Variants in KDM2A observed in about 807,000 individuals in gnomAD.
KDM2A encodes the protein lysine demethylase 2A, also known as lysine-specific demethylase 2A.
In KDM2A, 3 loss-of-function variants were observed where a neutral mutation model predicts 137.3. The observed-to-expected ratio is 0.02, with a 90% CI of 0.01 to 0.06. KDM2A has a LOEUF of 0.06. Ranked by LOEUF, KDM2A falls within the 10% of genes least tolerant of loss-of-function variation. KDM2A has a pLI of 1.00. For missense variants in KDM2A, 738 were observed against 1,510.6 expected, an observed-to-expected ratio of 0.49 and a Z score of 8.48; for synonymous variants, 512 against 541.5, an observed-to-expected ratio of 0.95 and a Z score of 0.76.
At chr11:67,175,421 GAC>G (rs1380693121) in intron 2 of KDM2A, among the ~76,000 whole-genome samples, 1 of 152,136 alleles carries the variant, frequency 6.6e-6, no homozygotes, top group African/African-American at 2.4e-5. Flanking sequence ...AGATGACAGA[GAC>G]TCTGTCTCCG....
chr11:67,233,465 A>T (rs1486365996), intron 12 of KDM2A, among the ~76,000 whole-genome samples: 2 of 124,618 alleles, frequency 1.6e-5, no homozygotes, highest in African/African-American at 6.3e-5. Context: ...CAGCCTGGCC[A>T]AGATGGTAAA....
intron 12 of KDM2A, among the ~76,000 whole-genome samples, chr11:67,238,565 C>T (rs967410983): frequency 6.6e-6 from 1 of 152,030 alleles, no homozygotes; most frequent in South Asian, 2.1e-4. Flanking sequence ...GAAGCTCAGC[C>T]GAGAGCACAA....
At chr11:67,201,745 C>G (rs1420554274) in intron 5 of KDM2A, among the ~76,000 whole-genome samples, 2 of 126,510 alleles carry the variant, frequency 1.6e-5, no homozygotes. Context: ...CACACTCCAG[C>G]CTAGGCAACA....
intron 5 of KDM2A, among the ~76,000 whole-genome samples, chr11:67,202,850 C>T (rs1380790824): frequency 6.6e-6 from 1 of 151,492 alleles, no homozygotes; most frequent in Admixed American, 6.6e-5. Context: ...AAAGGATTAG[C>T]CAGCCATTGT....
At chr11:67,165,593 A>G (rs533821015) in intron 2 of KDM2A, among the ~76,000 whole-genome samples, 2 of 152,216 alleles carry the variant, frequency 1.3e-5, no homozygotes, top group Non-Finnish European at 2.9e-5. Flanking sequence ...GAGAAGGATC[A>G]TGTAGGAAAG....
At position 67,255,198 on chromosome 11, in the gene KDM2A, A is replaced by G; in HGVS notation, c.*143A>G. ...CCTGTCCCTTGAGCCCTTCCTCTAC[A>G]GGTGGGGCAGAGAGGGTGGTGGACA... On this transcript the variant is annotated 3_prime_UTR_variant, in exon 21 of 21. Coordinates refer to ENST00000529006, the MANE Select transcript of KDM2A (RefSeq NM_012308.3). 1 of 711,480 alleles carries G rather than the reference A, an allele frequency of 1.4e-6. No individual in the cohort carries two copies. Among genetic ancestry groups the G allele is most frequent in the Non-Finnish European group, 2.3e-6 (1 of 433,200 alleles). 44.1% of individuals were successfully genotyped at this position (711,480 alleles called of 1,614,324 possible). A position where few individuals can be genotyped will look rare whatever the true frequency, so the allele number is the denominator to read the frequency against.
rs1231595712 is a variant in KDM2A at position 67,258,054 on chromosome 11, A to G, written c.*2999A>G. 6.6e-6 allele frequency: 1 copy of G among 152,180 alleles called. No homozygotes were observed. The highest frequency in any genetic ancestry group is 1.5e-5 in the Non-Finnish European group (1 of 68,044). 9.4% of individuals were successfully genotyped at this position (152,180 alleles called of 1,614,324 possible). On this transcript the variant is annotated 3_prime_UTR_variant, in exon 21 of 21. Transcript: ENST00000529006. ...TTGTTTGGGGGTTTTTGTTTTTTTA[A>G]AAAAATAAAAAGGCTTTAAAAACAA...
intron 11 of KDM2A, among the ~76,000 whole-genome samples, chr11:67,228,665 G>A (rs1285084308): frequency 7.5e-5 from 11 of 145,838 alleles, no homozygotes; most frequent in Middle Eastern, 3.5e-3. Flanking sequence ...TAGCCTGGGC[G>A]ACAGAGTGAA....
chr11:67,147,896 C>G (rs1435951863), intron 2 of KDM2A, among the ~76,000 whole-genome samples: 2 of 151,944 alleles, frequency 1.3e-5, no homozygotes, highest in African/African-American at 4.8e-5. Flanking sequence ...CCAGGCTGTT[C>G]TGGAACTCCT....
Position 67,148,287 on chromosome 11 carries a change from G to A in KDM2A, c.42+26929G>A, listed in dbSNP as rs748861069. Among the ~76,000 whole-genome samples, 8 of 151,756 alleles carry A rather than the reference G, an allele frequency of 5.3e-5. 1 individual carries two copies. Among genetic ancestry groups the A allele is most frequent in the Non-Finnish European group, 7.4e-5 (5 of 67,966 alleles). On this transcript the variant is annotated intron_variant, in intron 2 of 20. Transcript: ENST00000529006. Reference sequence around the variant, plus strand: ...AAAAAAAAATTTAGCTGGGCGTGGCGGTGGACACCTGTAGTCTTAGCTGCT... The same window carrying A: ...AAAAAAAAATTTAGCTGGGCGTGGCAGTGGACACCTGTAGTCTTAGCTGCT...
At chr11:67,155,660 A>T (rs1422451933) in intron 2 of KDM2A, among the ~76,000 whole-genome samples, 1 of 151,100 alleles carries the variant, frequency 6.6e-6, no homozygotes, top group South Asian at 2.1e-4. Context: ...GTTGTTGCCC[A>T]GGCTGGAGTG....
intron 2 of KDM2A, among the ~76,000 whole-genome samples, chr11:67,161,501 T>C (rs1019786758): frequency 3.9e-5 from 6 of 152,240 alleles, no homozygotes; most frequent in Non-Finnish European, 7.3e-5. Context: ...ATACATTTTA[T>C]ATTACTACGT....
intron 2 of KDM2A, among the ~76,000 whole-genome samples, chr11:67,169,968 G>A (rs1856843881): frequency 6.6e-6 from 1 of 151,916 alleles, no homozygotes; most frequent in African/African-American, 2.4e-5. Context: ...ATGCTGGCCA[G>A]GCTGGTCTCG....
chr11:67,138,453 T>C (rs1337209155), intron 2 of KDM2A, among the ~76,000 whole-genome samples: 1 of 152,134 alleles, frequency 6.6e-6, no homozygotes, highest in Non-Finnish European at 1.5e-5. Flanking sequence ...CAAAGTGTGC[T>C]CCCCAGACCA....
intron 6 of KDM2A, among the ~76,000 whole-genome samples, chr11:67,208,859 G>A (rs1401987930): frequency 6.6e-6 from 1 of 151,802 alleles, no homozygotes; most frequent in Non-Finnish European, 1.5e-5. Flanking sequence ...CAGGAGAATT[G>A]CTTGAGGCCA....
Position 67,253,601 on chromosome 11 carries a change from T to C in KDM2A, c.3081T>C (p.Ala1027=), listed in dbSNP as rs774206731. 2 of 1,613,942 alleles carry C rather than the reference T, an allele frequency of 1.2e-6. No individual in the cohort carries two copies. Among genetic ancestry groups the C allele is most frequent in the Non-Finnish European group, 1.7e-6 (2 of 1,179,838 alleles). The change falls in exon 19 of 21, where the codon GCT becomes GCC. Residue 1027 remains alanine, a synonymous_variant. Transcript: ENST00000529006. ...TTCGGGACTTGCTTACTCCACCGGC[T>C]GATAAACCAGGTATGCTCTGGACCT... ...PQIRDLLTPP[A]DKPGQDNRSK...
chr11:67,202,612 A>G (rs529294715), intron 5 of KDM2A, among the ~76,000 whole-genome samples: 91 of 151,140 alleles, frequency 6.0e-4, no homozygotes, highest in African/African-American at 2.2e-3. Context: ...CTCTACTAAA[A>G]ATACAAAAAA....
intron 5 of KDM2A, among the ~76,000 whole-genome samples, chr11:67,201,216 ATATG>A (rs1210537498): frequency 1.0e-4 from 2 of 19,730 alleles, no homozygotes; most frequent in African/African-American, 2.2e-4. Context: ...ATATATATAT[ATATG>A]TGTGTGTGTG....
chr11:67,228,299 G>T (rs774400800), intron 11 of KDM2A, 136 bp downstream of exon 11: 40 of 889,304 alleles, frequency 4.5e-5, no homozygotes, highest in Non-Finnish European at 5.8e-5. Context: ...ATTCATCACT[G>T]GAATTGAATA....
Sources: allele counts gnomAD v4.1 joint callset (sites outside exome capture counted in the v4.1 genomes callset), GRCh38; gene constraint gnomAD v4.1.1; transcripts MANE v1.5; gene names NCBI Gene and HGNC (gene_info 2026-07-23, HGNC 2026-07-21).